LRRC4C: variants seen among roughly 807,000 people sequenced by gnomAD.
LRRC4C encodes leucine rich repeat containing 4C, also known as leucine-rich repeat-containing protein 4C.
In LRRC4C, 5 loss-of-function variants were observed where a neutral mutation model predicts 33.6. The observed-to-expected ratio is 0.15, with a 90% CI of 0.08 to 0.31. The LOEUF (loss-of-function observed/expected upper bound fraction) is 0.31, where lower values mean the gene tolerates loss of function less well. Ranked by LOEUF, LRRC4C falls within the 10% of genes least tolerant of loss-of-function variation. The pLI, the probability that LRRC4C is intolerant of heterozygous loss-of-function variation, is 1.00. For synonymous variants in LRRC4C, 329 were observed against 302.0 expected (o/e 1.09, Z -0.93); for missense variants, 560 against 796.7 (o/e 0.70, Z 3.58).
intron 3 of LRRC4C, among the ~76,000 whole-genome samples, chr11:40,396,585 A>G (rs905938122): frequency 4.6e-5 from 7 of 152,162 alleles, no homozygotes; most frequent in Non-Finnish European, 1.0e-4. Context: ...ATGCCAAAAT[A>G]TTAGAGAACA....
intron 2 of LRRC4C, among the ~76,000 whole-genome samples, chr11:40,749,339 T>C (rs1231022809): frequency 2.0e-5 from 3 of 150,100 alleles, no homozygotes; most frequent in African/African-American, 4.9e-5. Context: ...TACAAATACA[T>C]AGAAATTCAA....
At chr11:41,401,348 AG>A (rs1954018169) in intron 1 of LRRC4C, among the ~76,000 whole-genome samples, 1 of 151,982 alleles carries the variant, frequency 6.6e-6, no homozygotes, top group African/African-American at 2.4e-5. Flanking sequence ...CCATTACGGC[AG>A]AAAGTTCTAT....
At chr11:40,698,978 G>A (rs113846722) in intron 2 of LRRC4C, among the ~76,000 whole-genome samples, 1 of 152,022 alleles carries the variant, frequency 6.6e-6, no homozygotes, top group Non-Finnish European at 1.5e-5. Context: ...ATGAGACTTG[G>A]GTGGGAACAC....
At chr11:40,209,949 G>A (rs532890936) in intron 5 of LRRC4C, among the ~76,000 whole-genome samples, 1 of 151,932 alleles carries the variant, frequency 6.6e-6, no homozygotes, top group Non-Finnish European at 1.5e-5. Flanking sequence ...GGAAGGAAGG[G>A]CATGCTAGTT....
chr11:40,911,200 G>C (rs1473080663), intron 2 of LRRC4C, among the ~76,000 whole-genome samples: 3 of 152,152 alleles, frequency 2.0e-5, no homozygotes, highest in Admixed American at 2.0e-4. Context: ...AGAGAGTAGT[G>C]ATTCTCCCAG....
chr11:40,852,799 T>C (rs558427475), intron 2 of LRRC4C, among the ~76,000 whole-genome samples: 1 of 152,112 alleles, frequency 6.6e-6, no homozygotes, highest in East Asian at 1.9e-4. Flanking sequence ...CAGGCAAAAA[T>C]AATGAAGTCA....
chr11:40,471,940 A>G (rs1952960188), intron 3 of LRRC4C, among the ~76,000 whole-genome samples: 1 of 152,144 alleles, frequency 6.6e-6, no homozygotes, highest in Non-Finnish European at 1.5e-5. Context: ...CAAATGCAAA[A>G]TAATGGAAAT....
At chr11:40,240,835 T>G (rs1865883655) in intron 5 of LRRC4C, among the ~76,000 whole-genome samples, 1 of 152,074 alleles carries the variant, frequency 6.6e-6, no homozygotes, top group Non-Finnish European at 1.5e-5. Context: ...AAGAAAGCAT[T>G]TATAGTGTTA....
chr11:40,338,369 A>T (rs560431414), intron 3 of LRRC4C, among the ~76,000 whole-genome samples: 54 of 152,348 alleles, frequency 3.5e-4, no homozygotes, highest in Non-Finnish European at 7.2e-4. Context: ...GCTTTTATGC[A>T]TATGACTCTC....
chr11:40,121,479 A>T (rs1314437938), intron 6 of LRRC4C, among the ~76,000 whole-genome samples: 1 of 152,220 alleles, frequency 6.6e-6, no homozygotes, highest in East Asian at 1.9e-4. Context: ...AGTCTTCAAC[A>T]TCTCTTTCAT....
chr11:40,882,139 TG>T (rs1166587430), intron 2 of LRRC4C, among the ~76,000 whole-genome samples: 1 of 152,104 alleles, frequency 6.6e-6, no homozygotes, highest in Non-Finnish European at 1.5e-5. Flanking sequence ...AATAAAATTT[TG>T]TTTATAAAAA....
At chr11:41,130,371 C>A (rs1942956465) in intron 1 of LRRC4C, among the ~76,000 whole-genome samples, 1 of 151,852 alleles carries the variant, frequency 6.6e-6, no homozygotes, top group South Asian at 2.1e-4. Flanking sequence ...TTCTTCTAGT[C>A]TATTTTAATT....
chr11:41,393,313 A>T (rs1487903725), intron 1 of LRRC4C, among the ~76,000 whole-genome samples: 1 of 151,870 alleles, frequency 6.6e-6, no homozygotes, highest in East Asian at 1.9e-4. Context: ...GATCTGTGAC[A>T]CCAAAAAGGC....
chr11:41,086,811 G>T (rs1590505868), intron 1 of LRRC4C, among the ~76,000 whole-genome samples: 2 of 151,394 alleles, frequency 1.3e-5, no homozygotes, highest in East Asian at 3.9e-4. Flanking sequence ...AAAGTTTACT[G>T]CTAAAGTTTG....
intron 5 of LRRC4C, among the ~76,000 whole-genome samples, chr11:40,177,088 G>A (rs892512005): frequency 2.6e-5 from 4 of 151,564 alleles, no homozygotes; most frequent in Admixed American, 2.0e-4. Flanking sequence ...CAAGTAGCGG[G>A]GACTACAGGC....
intron 2 of LRRC4C, among the ~76,000 whole-genome samples, chr11:40,660,541 G>A (rs1943379529): frequency 1.3e-5 from 2 of 152,168 alleles, no homozygotes; most frequent in Admixed American, 1.3e-4. Context: ...CCATTCTAAT[G>A]AGAGGCCAAA....
rs190134398 is a variant in LRRC4C, at chr11:40,474,144, A to T, written c.-269-154423T>A. Reference sequence around the variant, plus strand: ...AAACCAAGAAGTGCCCATATAGCCAAGACAATCCTAAGCAAAAAAACAAAG... The same window carrying T: ...AAACCAAGAAGTGCCCATATAGCCATGACAATCCTAAGCAAAAAAACAAAG... On this transcript the variant is annotated intron_variant, in intron 3 of 6. Transcript: ENST00000528697. 2.2e-3 allele frequency among the ~76,000 whole-genome samples: 332 copies of T among 152,340 alleles called. 1 individual carries two copies. The highest frequency in any genetic ancestry group is 0.01 in the Middle Eastern group (3 of 294).
At chr11:40,810,173 G>A (rs987050809) in intron 2 of LRRC4C, among the ~76,000 whole-genome samples, 1 of 152,296 alleles carries the variant, frequency 6.6e-6, no homozygotes, top group African/African-American at 2.4e-5. Flanking sequence ...TGACCTTGGT[G>A]TGGATAAATC....
At chr11:41,057,052 G>A (rs186823895) in intron 1 of LRRC4C, among the ~76,000 whole-genome samples, 1 of 152,182 alleles carries the variant, frequency 6.6e-6, no homozygotes, top group East Asian at 1.9e-4. Context: ...CCACCCTCCA[G>A]GGCAAAGCTG....
Sources: allele counts gnomAD v4.1 joint callset (sites outside exome capture counted in the v4.1 genomes callset), GRCh38; gene constraint gnomAD v4.1.1; transcripts MANE v1.5; gene names NCBI Gene and HGNC (gene_info 2026-07-23, HGNC 2026-07-21).